The following TOX2 variants were observed in gnomAD, a reference collection of about 807,000 sequenced individuals.
The protein encoded by TOX2 is granulosa cell HMG box 1.
Under a neutral mutation model 47.4 loss-of-function variants are expected in TOX2, and 15 were observed. That is an observed-to-expected ratio of 0.32 (90% confidence interval 0.21 to 0.49). The LOEUF is 0.49. TOX2 is among the 20% of genes least tolerant of loss of function. The pLI is 0.99. For synonymous variants in TOX2, 290 were observed against 296.6 expected, an observed-to-expected ratio of 0.98 and a Z score of 0.23; for missense variants, 622 against 673.1, an observed-to-expected ratio of 0.92 and a Z score of 0.84.
At chr20:43,942,570 C>T (rs1365523537) in intron 1 of TOX2, among the ~76,000 whole-genome samples, 2 of 152,142 alleles carry the variant, frequency 1.3e-5, no homozygotes, top group Non-Finnish European at 2.9e-5. Flanking sequence ...CCTGTAGTCC[C>T]AGCTACTTGG....
chr20:43,993,255 G>A (rs62206215), intron 2 of TOX2, among the ~76,000 whole-genome samples: 29,280 of 152,052 alleles, frequency 0.19, 3,363 homozygotes, highest in African/African-American at 0.3. Flanking sequence ...TTTTGTGTGT[G>A]GAACCTCTAC....
intron 3 of TOX2, among the ~76,000 whole-genome samples, chr20:44,031,616 G>C (rs895098455): frequency 2.0e-5 from 3 of 152,070 alleles, no homozygotes; most frequent in African/African-American, 7.2e-5. Context: ...AGAACCAACC[G>C]AGAATACACC....
intron 1 of TOX2, among the ~76,000 whole-genome samples, chr20:43,918,267 C>A (rs1384376640): frequency 6.6e-6 from 1 of 152,126 alleles, no homozygotes; most frequent in African/African-American, 2.4e-5. Flanking sequence ...GTTCAAATGT[C>A]CATTTGTTGC....
At chr20:43,966,264 A>G (rs1032461634) in intron 1 of TOX2, among the ~76,000 whole-genome samples, 2 of 152,240 alleles carry the variant, frequency 1.3e-5, no homozygotes, top group African/African-American at 2.4e-5. Context: ...TACACTGCAC[A>G]TAGGAGTTGA....
chr20:43,920,919 C>T (rs2069106322), intron 1 of TOX2, among the ~76,000 whole-genome samples: 1 of 152,196 alleles, frequency 6.6e-6, no homozygotes, highest in African/African-American at 2.4e-5. Flanking sequence ...ACCACTGTGT[C>T]TGCCTTTACT....
chr20:44,043,775 G>A (rs1413580092), intron 3 of TOX2, among the ~76,000 whole-genome samples: 1 of 152,198 alleles, frequency 6.6e-6, no homozygotes, highest in Non-Finnish European at 1.5e-5. Context: ...ATGAAAGCAT[G>A]CCAAAAATTT....
chr20:43,959,082 A>G (rs924637521), intron 1 of TOX2, among the ~76,000 whole-genome samples: 7 of 152,188 alleles, frequency 4.6e-5, no homozygotes, highest in Non-Finnish European at 8.8e-5. Flanking sequence ...TCAAGAACAG[A>G]GGGGTGGCTC....
chr20:43,928,438 C>A (rs1255331786), intron 1 of TOX2, among the ~76,000 whole-genome samples: 2 of 152,246 alleles, frequency 1.3e-5, no homozygotes, highest in African/African-American at 4.8e-5. Flanking sequence ...AGGTTTCCTG[C>A]AGCTGCTCTT....
intron 3 of TOX2, among the ~76,000 whole-genome samples, chr20:44,024,335 AT>A (rs1180967877): frequency 6.6e-6 from 1 of 151,912 alleles, no homozygotes; most frequent in East Asian, 1.9e-4. Flanking sequence ...TGTTTTATTC[AT>A]TTTATTCAGA....
intron 1 of TOX2, among the ~76,000 whole-genome samples, chr20:43,954,075 G>T (rs2145402401): frequency 6.6e-6 from 1 of 152,258 alleles, no homozygotes. Flanking sequence ...AACTCTCCAA[G>T]GGCTTCCCAT....
rs145142046 is a variant in TOX2 at position 44,027,609 on chromosome 20, A to T, written c.411+20817A>T. ...GATTCCATCTCTGCCCCATTTGGAGATCCTTAATTGAGGAGGCCCAGAGAG... is the reference window on the plus strand; with the variant it reads ...GATTCCATCTCTGCCCCATTTGGAGTTCCTTAATTGAGGAGGCCCAGAGAG... On this transcript the variant is annotated intron_variant, in intron 3 of 8. Transcript: ENST00000341197. Among the ~76,000 whole-genome samples the T allele has an allele frequency of 1.1e-4, 16 of 152,280 alleles. No homozygotes were observed. In the East Asian group the frequency reaches 3.1e-3, roughly 29 times the overall value.
At chr20:43,953,349 C>G (rs531460749) in intron 1 of TOX2, among the ~76,000 whole-genome samples, 62 of 152,326 alleles carry the variant, frequency 4.1e-4, no homozygotes, top group African/African-American at 1.4e-3. Context: ...CCGCCTCTGT[C>G]TGCTCAGACA....
chr20:43,995,278 G>T (rs1002178377), intron 2 of TOX2, among the ~76,000 whole-genome samples: 1 of 152,044 alleles, frequency 6.6e-6, no homozygotes, highest in Non-Finnish European at 1.5e-5. Flanking sequence ...TGACATAGGG[G>T]TATTATCTGA....
chr20:44,068,913 G>A lies in TOX2; in HGVS notation c.*227G>A, dbSNP rs1040401494. 1.4e-5 allele frequency: 10 copies of A among 692,084 alleles called. No individual in the cohort carries two copies. Among genetic ancestry groups the A allele is most frequent in the African/African-American group, 3.5e-5 (2 of 56,514 alleles). The allele number at this position is 692,084 out of a possible 1,614,324, so 42.9% of individuals were successfully genotyped here. A position where few individuals can be genotyped will look rare whatever the true frequency, so the allele number is the denominator to read the frequency against. ...AAGAACCTGCAGGAACCTTCCGCCC[G>A]CTGACCTGCTTGCTCCAGGGTAACT... is the stretch of plus-strand genomic sequence containing the variant. On this transcript the variant is annotated 3_prime_UTR_variant, in exon 9 of 9. Transcript: ENST00000341197.
At chr20:43,939,123 CGAG>C (rs1397509027) in intron 1 of TOX2, among the ~76,000 whole-genome samples, 3 of 152,066 alleles carry the variant, frequency 2.0e-5, no homozygotes, top group Non-Finnish European at 4.4e-5. Flanking sequence ...ATCTGTAAAA[CGAG>C]GAGATCAGTG....
intron 1 of TOX2, among the ~76,000 whole-genome samples, chr20:43,928,317 T>G (rs963372557): frequency 6.6e-6 from 1 of 152,262 alleles, no homozygotes; most frequent in Non-Finnish European, 1.5e-5. Flanking sequence ...TGTAGTTAGC[T>G]TCAATTCCCT....
chr20:43,974,052 C>T (rs967992305), intron 2 of TOX2, among the ~76,000 whole-genome samples: 3 of 152,186 alleles, frequency 2.0e-5, no homozygotes, highest in African/African-American at 7.2e-5. Context: ...ATTAATGTTT[C>T]TCTCAGCTGG....
At chr20:44,041,867 C>G (rs1037891390) in intron 3 of TOX2, among the ~76,000 whole-genome samples, 1 of 152,092 alleles carries the variant, frequency 6.6e-6, no homozygotes, top group East Asian at 1.9e-4. Flanking sequence ...TGTACAAAAT[C>G]CGTAGTTCTA....
At chr20:44,027,305 G>A (rs773515045) in intron 3 of TOX2, among the ~76,000 whole-genome samples, 3 of 152,100 alleles carry the variant, frequency 2.0e-5, no homozygotes, top group African/African-American at 7.2e-5. Flanking sequence ...GTTCAGGGGA[G>A]GGGGTGGGTC....
Sources: allele counts gnomAD v4.1 joint callset (sites outside exome capture counted in the v4.1 genomes callset), GRCh38; gene constraint gnomAD v4.1.1; transcripts MANE v1.5; gene names NCBI Gene and HGNC (gene_info 2026-07-23, HGNC 2026-07-21).